Variants in PTCD2 observed in about 807,000 individuals in gnomAD.
PTCD2 encodes pentatricopeptide repeat-containing protein 2, mitochondrial.
A neutral mutation model predicts 42.6 loss-of-function variants in PTCD2; 31 were observed. The observed-to-expected ratio is 0.73, with a 90% CI of 0.55 to 0.98. PTCD2 has a LOEUF of 0.98. Among genes scored for constraint, PTCD2 ranks in the 50% least tolerant of loss-of-function variants. The pLI is 0.00. For synonymous variants in PTCD2, 183 were observed against 170.9 expected, an observed-to-expected ratio of 1.07 and a Z score of -0.55; for missense variants, 476 against 454.8, an observed-to-expected ratio of 1.05 and a Z score of -0.42.
intron 7 of PTCD2, among the ~76,000 whole-genome samples, chr5:72,342,629 A>T (rs79159268): frequency 6.6e-6 from 1 of 152,032 alleles, no homozygotes; most frequent in African/African-American, 2.4e-5. Flanking sequence ...TGAGGTTTCT[A>T]TGTTCTAATT....
chr5:72,354,794 C>A (rs1429271888), intron 9 of PTCD2, among the ~76,000 whole-genome samples: 1 of 152,212 alleles, frequency 6.6e-6, no homozygotes, highest in Non-Finnish European at 1.5e-5. Flanking sequence ...TTGTTGCAAT[C>A]CAATTTCTAA....
chr5:72,320,532 G>A, intron 1 of PTCD2, 23 bp downstream of exon 1: 1 of 1,612,956 alleles, frequency 6.2e-7, no homozygotes, highest in Non-Finnish European at 8.5e-7. Context: ...TTAGCCTAGG[G>A]AAGGAGGGGA....
At chr5:72,352,971 A>G (rs1167626329) in intron 9 of PTCD2, among the ~76,000 whole-genome samples, 3 of 151,820 alleles carry the variant, frequency 2.0e-5, no homozygotes, top group Non-Finnish European at 4.4e-5. Context: ...TTTCCCTTTT[A>G]CCTTATTCTT....
rs1430218006 is a variant in PTCD2, at chr5:72,365,228, A to G, written c.*6801A>G. 2 of 152,346 alleles carry G rather than the reference A, an allele frequency of 1.3e-5. No homozygotes were observed. The highest frequency in any genetic ancestry group is 3.8e-4 in the East Asian group (2 of 5,198). The allele number at this position is 152,346 out of a possible 1,614,324, so 9.4% of individuals were successfully genotyped here. Reference sequence around the variant, plus strand: ...CCAGGGGCCTCTGAGATGGCCTGCAAGGCATCACGGTCTGTGAACTGGTCT... The same window carrying G: ...CCAGGGGCCTCTGAGATGGCCTGCAGGGCATCACGGTCTGTGAACTGGTCT... On this transcript the variant is annotated 3_prime_UTR_variant, in exon 10 of 10. Transcript: ENST00000380639.
At chr5:72,345,821 A>AT (rs894041940) in intron 8 of PTCD2, among the ~76,000 whole-genome samples, 1 of 152,276 alleles carries the variant, frequency 6.6e-6, no homozygotes, top group Admixed American at 6.5e-5. Flanking sequence ...TACTAATAGT[A>AT]TTTTTTTGAC....
rs775802559 is a variant in PTCD2, at chr5:72,363,184, G to A, written c.*4757G>A. On this transcript the variant is annotated 3_prime_UTR_variant, in exon 10 of 10. Coordinates refer to ENST00000380639, the MANE Select transcript of PTCD2 (RefSeq NM_024754.5). ...AGTCTTTGATTTCTTTGAGGTAAAT[G>A]TTCAATCTTTTTGCGTATCTTCCTC... is the stretch of plus-strand genomic sequence containing the variant. The A allele has an allele frequency of 1.3e-5, 2 of 152,202 alleles. No individual in the cohort carries two copies. Among genetic ancestry groups the A allele is most frequent in the Non-Finnish European group, 2.9e-5 (2 of 68,034 alleles). 9.4% of individuals were successfully genotyped at this position (152,202 alleles called of 1,614,324 possible).
chr5:72,321,142 G>C (rs1423269639), intron 1 of PTCD2: 1 of 152,510 alleles, frequency 6.6e-6, no homozygotes, highest in East Asian at 1.9e-4. Flanking sequence ...GAGGTCTTAT[G>C]GAGTCTCAGT....
intron 8 of PTCD2, among the ~76,000 whole-genome samples, chr5:72,350,253 C>T (rs147716172): frequency 1.4e-3 from 207 of 152,226 alleles, no homozygotes; most frequent in African/African-American, 3.0e-3. Flanking sequence ...CCCAGTTTCA[C>T]GGATGCTAGT....
In PTCD2 at chr5:72,326,716, G is replaced by A. The variant is rs779479372; in HGVS notation, c.325G>A (p.Glu109Lys). ...LHLCESRDHV[E>K]LAKNVIYRYH... ...TTTGTGTGAGTCTCGGGACCATGTGGAACTGGCTAAAAATGTCATTTACAG... is the reference window on the plus strand; with the variant it reads ...TTTGTGTGAGTCTCGGGACCATGTGAAACTGGCTAAAAATGTCATTTACAG... Residue 109 changes from glutamate (E) to lysine (K), a missense_variant, in exon 3 of 10, where the codon GAA becomes AAA. Coordinates refer to ENST00000380639, the MANE Select transcript of PTCD2 (RefSeq NM_024754.5). 4 of 1,613,954 alleles carry A rather than the reference G, an allele frequency of 2.5e-6. No homozygotes were observed. In the Admixed American group the frequency reaches 6.7e-5, roughly 27 times the overall value.
Position 72,358,593 on chromosome 5 carries a change from A to G in PTCD2, c.*166A>G, listed in dbSNP as rs1328392736. ...GTACCATGCCGATCTCTGAGAAGTT[A>G]TGTTGCACCACTGTGAAGGTCTAGA... On this transcript the variant is annotated 3_prime_UTR_variant, in exon 10 of 10. Coordinates refer to ENST00000380639, the MANE Select transcript of PTCD2 (RefSeq NM_024754.5). The G allele has an allele frequency of 3.2e-6, 2 of 616,116 alleles. No homozygotes were observed. Among genetic ancestry groups the G allele is most frequent in the South Asian group, 1.9e-5 (1 of 51,754 alleles). 38.2% of individuals were successfully genotyped at this position (616,116 alleles called of 1,614,324 possible).
chr5:72,352,660 C>T lies in PTCD2; in HGVS notation c.848C>T (p.Ser283Leu), dbSNP rs1438130606. The T allele has an allele frequency of 1.3e-6, 2 of 1,568,532 alleles. No individual in the cohort carries two copies. The highest frequency in any genetic ancestry group is 2.2e-5 in the East Asian group (1 of 44,608). ...INLNIIIHIQ[S>L]NMLENLIKTL... ...ATTCAGATTATAATCCATATCCAGT[C>T]AAATATGTTGGAAAACCTGATAAAG... is the stretch of plus-strand genomic sequence containing the variant. The change falls in exon 9 of 10, where the codon TCA becomes TTA. Residue 283 changes from serine to leucine, a missense_variant. Physicochemically the swap from Ser to Leu is moderately radical, Grantham distance 145. Transcript: ENST00000380639.
intron 8 of PTCD2, among the ~76,000 whole-genome samples, chr5:72,347,388 C>T (rs16877766): frequency 0.1 from 15,802 of 152,202 alleles, 1,914 homozygotes; most frequent in African/African-American, 0.29. Flanking sequence ...CTCACAGTTA[C>T]AAGAATCTGG....
intron 8 of PTCD2, among the ~76,000 whole-genome samples, chr5:72,344,653 C>A (rs184219877): frequency 1.3e-5 from 2 of 152,196 alleles, no homozygotes; most frequent in East Asian, 3.9e-4. Flanking sequence ...CCAATAGTCA[C>A]GTAGGTTCTT....
rs1321181027 is a variant in PTCD2 at position 72,330,747 on chromosome 5, C to T, written c.351-511C>T. Among the ~76,000 whole-genome samples, 2 of 152,164 alleles carry T rather than the reference C, an allele frequency of 1.3e-5. 1 individual carries two copies. Among genetic ancestry groups the T allele is most frequent in the African/African-American group, 4.8e-5 (2 of 41,428 alleles). On this transcript the variant is annotated intron_variant, in intron 3 of 9. Transcript: ENST00000380639. ...TTTGTTTAGCCAGGTGATCATAGCC[C>T]AGGTGTACCTTTCTCAAGCTTAGAA... is the stretch of plus-strand genomic sequence containing the variant.
intron 9 of PTCD2, among the ~76,000 whole-genome samples, chr5:72,353,148 A>G (rs184448946): frequency 6.6e-6 from 1 of 152,330 alleles, no homozygotes; most frequent in Non-Finnish European, 1.5e-5. Context: ...TCAGAAAAGC[A>G]TGACTGCTAC....
chr5:72,336,474 G>C (rs906031933), intron 6 of PTCD2, among the ~76,000 whole-genome samples: 2 of 152,184 alleles, frequency 1.3e-5, no homozygotes. Context: ...CTGGTATCCA[G>C]TAGTTCTTTA....
chr5:72,355,625 A>G (rs1752837683), intron 9 of PTCD2, among the ~76,000 whole-genome samples: 1 of 152,208 alleles, frequency 6.6e-6, no homozygotes, highest in South Asian at 2.1e-4. Flanking sequence ...AAATGAACCC[A>G]TGTGTCACAT....
At chr5:72,357,334 C>T (rs1226317893) in intron 9 of PTCD2, among the ~76,000 whole-genome samples, 3 of 152,180 alleles carry the variant, frequency 2.0e-5, no homozygotes, top group African/African-American at 7.2e-5. Flanking sequence ...AAAAATAAGT[C>T]CTTTCAGTGT....
At position 72,360,557 on chromosome 5, in the gene PTCD2, A is replaced by G. The variant is rs1753068728; in HGVS notation, c.*2130A>G. The G allele has an allele frequency of 6.6e-6, 1 of 152,236 alleles. No individual in the cohort carries two copies. The highest frequency in any genetic ancestry group is 1.5e-5 in the Non-Finnish European group (1 of 68,044). 9.4% of individuals were successfully genotyped at this position (152,236 alleles called of 1,614,324 possible). On this transcript the variant is annotated 3_prime_UTR_variant, in exon 10 of 10. Coordinates refer to ENST00000380639, the MANE Select transcript of PTCD2 (RefSeq NM_024754.5). ...ATGATTTTAAAGTCTTAAAAGTCCA[A>G]TAAAACAGTGTTCAGTATAGGTTAT... is the stretch of plus-strand genomic sequence containing the variant.
Sources: gnomAD v4.1 joint callset for allele counts (sites outside exome capture counted in the v4.1 genomes callset) on GRCh38, gnomAD v4.1.1 for gene constraint, MANE v1.5 for transcripts, NCBI Gene and HGNC (gene_info 2026-07-23, HGNC 2026-07-21) for gene names.